The following HYDIN variants were observed in gnomAD, a reference collection of about 807,000 sequenced individuals.
HYDIN encodes the protein axonemal central pair apparatus protein HYDIN.
HYDIN carries 132 observed loss-of-function variants against 403.9 expected under a neutral mutation model. The observed-to-expected ratio is 0.33, with a 90% CI of 0.28 to 0.38. HYDIN has a LOEUF of 0.38. Among genes scored for constraint, HYDIN ranks in the 10% least tolerant of loss-of-function variants. HYDIN has a pLI of 1.00. For missense variants in HYDIN, 2,827 were observed against 5,009.5 expected (o/e 0.56, Z 13.15); for synonymous variants, 1,202 against 1,891.7 (o/e 0.64, Z 9.46).
intron 7 of HYDIN, among the ~76,000 whole-genome samples, chr16:71,139,759 A>G (rs2085096492): frequency 6.6e-6 from 1 of 152,160 alleles, no homozygotes; most frequent in Non-Finnish European, 1.5e-5. Context: ...ATAAAGTTAG[A>G]AGGTCTAAAA....
At chr16:71,219,510 T>C (rs759757472) in intron 1 of HYDIN, among the ~76,000 whole-genome samples, 1 of 152,132 alleles carries the variant, frequency 6.6e-6, no homozygotes, top group Non-Finnish European at 1.5e-5. Flanking sequence ...TTTAAGAATA[T>C]AGGATCTAAC....
chr16:71,129,655 G>A lies in HYDIN; in HGVS notation c.1212C>T (p.Phe404=). The change falls in exon 9 of 86, where the codon TTC becomes TTT. Residue 404 remains phenylalanine (F), a synonymous_variant. Coordinates refer to ENST00000393567, the MANE Select transcript of HYDIN (RefSeq NM_001270974.2). The part of the protein sequence containing the change: ...GDSKLFFNNV[F]TVEPLEGDVW... ...ATATGCTCACCAGGGGCTCCACAGT[G>A]AAAACGTTATTGAAGAACAGCTTGC... is the stretch of plus-strand genomic sequence containing the variant. 6.2e-7 allele frequency: 1 copy of A among 1,613,946 alleles called. No homozygotes were observed. The highest frequency in any genetic ancestry group is 8.5e-7 in the Non-Finnish European group (1 of 1,179,962).
At chr16:70,998,124 T>C (rs2079588922) in intron 23 of HYDIN, among the ~76,000 whole-genome samples, 1 of 152,180 alleles carries the variant, frequency 6.6e-6, no homozygotes, top group Non-Finnish European at 1.5e-5. Context: ...TTTAGACAAT[T>C]ATGTTTCGGG....
chr16:71,139,934 G>T (rs954250016), intron 7 of HYDIN, among the ~76,000 whole-genome samples: 3 of 151,910 alleles, frequency 2.0e-5, no homozygotes, highest in African/African-American at 4.8e-5. Flanking sequence ...AATCAGACCT[G>T]AATATATTGC....
At chr16:70,836,856 A>C (rs977465602) in intron 77 of HYDIN, among the ~76,000 whole-genome samples, 2 of 152,226 alleles carry the variant, frequency 1.3e-5, no homozygotes, top group Admixed American at 6.5e-5. Context: ...CTAAATGAAC[A>C]AGTGAAAGAC....
In HYDIN at chr16:71,053,468, T is replaced by G. The variant is rs369650706; in HGVS notation, c.2529+7036A>C. Among the ~76,000 whole-genome samples, 50 of 152,228 alleles carry G rather than the reference T, an allele frequency of 3.3e-4. 1 individual carries two copies. Among genetic ancestry groups the G allele is most frequent in the African/African-American group, 1.1e-3 (47 of 41,536 alleles). ...AACATAATAAGTGGTAAATGGAGTATCCACAGCAATTAAAATGAAATAACT... is the reference window on the plus strand; with the variant it reads ...AACATAATAAGTGGTAAATGGAGTAGCCACAGCAATTAAAATGAAATAACT... On this transcript the variant is annotated intron_variant, in intron 18 of 85. Transcript: ENST00000393567.
chr16:70,923,903 T>C (rs111230010), intron 45 of HYDIN, among the ~76,000 whole-genome samples: 2 of 150,514 alleles, frequency 1.3e-5, no homozygotes, highest in South Asian at 2.1e-4. Flanking sequence ...AGTTGTTTCT[T>C]TGGAAAGATA....
At chr16:70,835,257 A>G (rs2037344371) in intron 78 of HYDIN, among the ~76,000 whole-genome samples, 1 of 151,848 alleles carries the variant, frequency 6.6e-6, no homozygotes, top group African/African-American at 2.4e-5. Context: ...CAGCCTCCCA[A>G]AGTGTTGGGA....
At chr16:71,223,214 A>G (rs984892105) in intron 1 of HYDIN, among the ~76,000 whole-genome samples, 2 of 152,200 alleles carry the variant, frequency 1.3e-5, no homozygotes, top group Non-Finnish European at 2.9e-5. Context: ...ATAAAGACAT[A>G]AATTGGAGAA....
intron 18 of HYDIN, among the ~76,000 whole-genome samples, chr16:71,060,173 C>G (rs539397297): frequency 6.6e-6 from 1 of 151,032 alleles, no homozygotes; most frequent in Non-Finnish European, 1.5e-5. Flanking sequence ...TGTTGACCTC[C>G]GAAGCATCTT....
intron 18 of HYDIN, among the ~76,000 whole-genome samples, chr16:71,049,027 A>G (rs1297827553): frequency 6.6e-6 from 1 of 152,286 alleles, no homozygotes; most frequent in Non-Finnish European, 1.5e-5. Context: ...TGTCCCTTAC[A>G]TAGAAAAAGA....
chr16:70,806,490 G>C lies in HYDIN; in HGVS notation c.*1090C>G, dbSNP rs1389408219. On this transcript the variant is annotated 3_prime_UTR_variant, in exon 86 of 86. Transcript: ENST00000393567. Reference sequence around the variant, plus strand: ...AAAAGATTGCCGGGCCACACCTACAGACTTTTTGATTCAGTCGATCTGACA... The same window carrying C: ...AAAAGATTGCCGGGCCACACCTACACACTTTTTGATTCAGTCGATCTGACA... Among the ~76,000 whole-genome samples the C allele has an allele frequency of 6.6e-6, 1 of 152,164 alleles. No individual in the cohort carries two copies. Among genetic ancestry groups the C allele is most frequent in the African/African-American group, 2.4e-5 (1 of 41,418 alleles).
chr16:70,943,728 G>T, intron 42 of HYDIN, 84 bp downstream of exon 42: 1 of 1,514,446 alleles, frequency 6.6e-7, no homozygotes, highest in Non-Finnish European at 8.9e-7. Context: ...GTGGGTGGCT[G>T]ATGGCCCAGA....
In HYDIN at chr16:70,884,095, C is replaced by A; in HGVS notation, c.9804G>T (p.Val3268=). ...AAGGAATGGAGCCAAACCCAGGGTA[C>A]ACGGTGAACATGCCATGGGCGAAGC... is the stretch of plus-strand genomic sequence containing the variant. ...QARFAHGMFT[V]YPGFGSIPSG... is the part of the protein sequence containing the mutation. Residue 3268 remains valine (V), a synonymous_variant, in exon 59 of 86, where the codon GTG becomes GTT. Coordinates refer to ENST00000393567, the MANE Select transcript of HYDIN (RefSeq NM_001270974.2). 6.2e-7 allele frequency: 1 copy of A among 1,604,760 alleles called. No homozygotes were observed. The highest frequency in any genetic ancestry group is 1.1e-5 in the South Asian group (1 of 89,574).
chr16:71,130,649 G>A (rs1225560276), intron 8 of HYDIN, among the ~76,000 whole-genome samples: 15 of 151,218 alleles, frequency 9.9e-5, no homozygotes, highest in Non-Finnish European at 1.6e-4. Context: ...CACCGCGCCC[G>A]GCTAATTTTT....
chr16:71,126,247 A>T (rs1278049006), intron 9 of HYDIN, among the ~76,000 whole-genome samples: 1 of 152,120 alleles, frequency 6.6e-6, no homozygotes, highest in East Asian at 1.9e-4. Flanking sequence ...TAATTTTCCC[A>T]ATTGGAAACA....
At chr16:71,014,459 C>G (rs2080190003) in intron 23 of HYDIN, among the ~76,000 whole-genome samples, 2 of 151,496 alleles carry the variant, frequency 1.3e-5, no homozygotes. Context: ...TCCAGTCCAT[C>G]TGGTTCAGAG....
At chr16:71,182,775 TAGA>T (rs367753501) in intron 3 of HYDIN, among the ~76,000 whole-genome samples, 4 of 152,278 alleles carry the variant, frequency 2.6e-5, no homozygotes, top group East Asian at 1.9e-4. Flanking sequence ...CCTTTTTTCC[TAGA>T]AGAAGTCACC....
intron 1 of HYDIN, among the ~76,000 whole-genome samples, chr16:71,217,884 C>A (rs945432499): frequency 3.9e-5 from 6 of 152,116 alleles, no homozygotes; most frequent in Non-Finnish European, 8.8e-5. Flanking sequence ...GGCCACAAAG[C>A]CACATATTAA....
Sources: allele counts gnomAD v4.1 joint callset (sites outside exome capture counted in the v4.1 genomes callset), GRCh38; gene constraint gnomAD v4.1.1; transcripts MANE v1.5; gene names NCBI Gene and HGNC (gene_info 2026-07-23, HGNC 2026-07-21).